TTLL11: variants seen among roughly 807,000 people sequenced by gnomAD.
TTLL11 encodes tubulin polyglutamylase TTLL11.
In TTLL11, 42 loss-of-function variants were observed where a neutral mutation model predicts 51.7. The observed-to-expected ratio is 0.81, with a 90% confidence interval of 0.64 to 1.05. The LOEUF (loss-of-function observed/expected upper bound fraction) is 1.05. Ranked by LOEUF, TTLL11 falls within the 50% of genes least tolerant of loss-of-function variation. The pLI is 0.00. For synonymous variants in TTLL11, 381 were observed against 383.5 expected, an observed-to-expected ratio of 0.99 and a Z score of 0.08; for missense variants, 799 against 940.4, an observed-to-expected ratio of 0.85 and a Z score of 1.97.
At chr9:122,092,103 A>T (rs927804113) in intron 1 of TTLL11, among the ~76,000 whole-genome samples, 1 of 152,116 alleles carries the variant, frequency 6.6e-6, no homozygotes, top group African/African-American at 2.4e-5. Flanking sequence ...GCTATAAAAC[A>T]CTAAGTAGTG....
At chr9:122,075,939 G>GA (rs1002865873) in intron 1 of TTLL11, among the ~76,000 whole-genome samples, 16 of 151,310 alleles carry the variant, frequency 1.1e-4, no homozygotes, top group South Asian at 6.3e-4. Flanking sequence ...TTAGAAGGTA[G>GA]AAAAAAAAAT....
chr9:121,909,443 C>G (rs1840039761), intron 6 of TTLL11, among the ~76,000 whole-genome samples: 1 of 152,128 alleles, frequency 6.6e-6, no homozygotes, highest in South Asian at 2.1e-4. Context: ...ACAACCACCC[C>G]CTACTCCCTA....
chr9:122,000,185 G>C (rs779862828), intron 3 of TTLL11, among the ~76,000 whole-genome samples: 1 of 152,084 alleles, frequency 6.6e-6, no homozygotes, highest in Non-Finnish European at 1.5e-5. Context: ...AAAGACCTTG[G>C]TGATGGCTGG....
intron 8 of TTLL11, among the ~76,000 whole-genome samples, chr9:121,826,182 A>C (rs1836747720): frequency 2.0e-5 from 1 of 49,818 alleles, no homozygotes; most frequent in African/African-American, 9.2e-5. Context: ...ATAACCAGTA[A>C]CCTATATATA....
At chr9:121,915,487 A>T (rs1840289729) in intron 6 of TTLL11, among the ~76,000 whole-genome samples, 1 of 152,194 alleles carries the variant, frequency 6.6e-6, no homozygotes, top group African/African-American at 2.4e-5. Flanking sequence ...TCTGACACCC[A>T]TCACATCGTA....
Position 121,904,474 on chromosome 9 carries a change from C to T in TTLL11, c.1482-33726G>A, listed in dbSNP as rs114659225. 1.9e-3 allele frequency among the ~76,000 whole-genome samples: 286 copies of T among 152,348 alleles called. 2 individuals carry two copies. The highest frequency in any genetic ancestry group is 6.6e-3 in the African/African-American group (273 of 41,582). On this transcript the variant is annotated intron_variant, in intron 6 of 8. Transcript: ENST00000321582. ...ACAGGCGTGAGCCACCACGCCCAGCCCAATACATTCCTACATGTTTAATGT... is the reference window on the plus strand; with the variant it reads ...ACAGGCGTGAGCCACCACGCCCAGCTCAATACATTCCTACATGTTTAATGT...
intron 6 of TTLL11, among the ~76,000 whole-genome samples, chr9:121,952,106 G>C (rs1841868565): frequency 6.6e-6 from 1 of 152,142 alleles, no homozygotes; most frequent in Non-Finnish European, 1.5e-5. Context: ...CTGTGACTTA[G>C]AATGCCTTAG....
chr9:121,971,650 T>C (rs1481404371), intron 6 of TTLL11, among the ~76,000 whole-genome samples: 2 of 142,150 alleles, frequency 1.4e-5, no homozygotes, highest in Admixed American at 7.1e-5. Context: ...GGGGAAAAGA[T>C]TGAGAAATCG....
chr9:121,829,797 ACACACACACACACACAC>A (rs1836940239), intron 8 of TTLL11, among the ~76,000 whole-genome samples: 1 of 151,582 alleles, frequency 6.6e-6, no homozygotes, highest in African/African-American at 2.4e-5. Flanking sequence ...ACACACACAC[ACACACACACACACACAC>A]CACACACACA....
At chr9:121,990,412 A>G (rs2131696418) in intron 3 of TTLL11, among the ~76,000 whole-genome samples, 1 of 152,360 alleles carries the variant, frequency 6.6e-6, no homozygotes, top group Non-Finnish European at 1.5e-5. Flanking sequence ...CTAAGGACCT[A>G]GAACCTGAGA....
intron 6 of TTLL11, among the ~76,000 whole-genome samples, chr9:121,895,892 CTG>C (rs765982050): frequency 4.7e-4 from 15 of 32,240 alleles, no homozygotes; most frequent in African/African-American, 6.6e-4. Flanking sequence ...GTCATTGTAT[CTG>C]TGTGTGTCCC....
rs35562644 is a variant in TTLL11 at position 121,928,441 on chromosome 9, A to ATTT, written c.1481+45565_1481+45567dup. Among the ~76,000 whole-genome samples the ATTT allele has an allele frequency of 7.4e-4, 97 of 131,836 alleles. 1 individual carries two copies. The highest frequency in any genetic ancestry group is 2.5e-3 in the African/African-American group (89 of 35,428). The allele number at this position is 131,836 out of a possible 152,430, so 86.5% of individuals were successfully genotyped here. On this transcript the variant is annotated intron_variant, in intron 6 of 8. Coordinates refer to ENST00000321582, the MANE Select transcript of TTLL11 (RefSeq NM_001139442.2). The stretch of plus-strand genomic sequence containing the variant: ...CTTTGAGTTATTTTGTTTGTTTTGG[A>ATTT]TTTTTTTTTTTTTTTTTTGAGATAG...
At chr9:121,901,795 A>G (rs1839786534) in intron 6 of TTLL11, among the ~76,000 whole-genome samples, 1 of 152,198 alleles carries the variant, frequency 6.6e-6, no homozygotes, top group African/African-American at 2.4e-5. Context: ...CTAGGCCACA[A>G]GGGATTGTCA....
intron 1 of TTLL11, 127 bp downstream of exon 1, chr9:122,092,560 G>A (rs1846290511): frequency 1.4e-6 from 2 of 1,448,342 alleles, no homozygotes; most frequent in African/African-American, 1.5e-5. Flanking sequence ...TGACAAGCAG[G>A]CCCGAGCGTG....
At chr9:121,852,136 G>C (rs1243627228) in intron 8 of TTLL11, among the ~76,000 whole-genome samples, 1 of 152,220 alleles carries the variant, frequency 6.6e-6, no homozygotes, top group African/African-American at 2.4e-5. Context: ...ATAGGGTCAC[G>C]GTAGAGCTCA....
chr9:122,060,290 GCTAA>G (rs1170177581), intron 1 of TTLL11, among the ~76,000 whole-genome samples: 1 of 152,214 alleles, frequency 6.6e-6, no homozygotes, highest in African/African-American at 2.4e-5. Flanking sequence ...AATGATGATA[GCTAA>G]CTATTTGTAT....
intron 8 of TTLL11, among the ~76,000 whole-genome samples, chr9:121,839,925 A>G (rs1837300379): frequency 6.6e-6 from 1 of 152,214 alleles, no homozygotes; most frequent in African/African-American, 2.4e-5. Flanking sequence ...CAGGAGGCAG[A>G]TCAGTGTCAA....
chr9:121,960,771 G>A (rs7850233), intron 6 of TTLL11, among the ~76,000 whole-genome samples: 11,792 of 152,132 alleles, frequency 0.078, 688 homozygotes, highest in African/African-American at 0.16. Context: ...AGTAAATAAA[G>A]GCATCCCCCA....
intron 6 of TTLL11, among the ~76,000 whole-genome samples, chr9:121,958,499 T>C (rs1290197996): frequency 6.6e-6 from 1 of 152,164 alleles, no homozygotes; most frequent in African/African-American, 2.4e-5. Flanking sequence ...GGCAGAGGAC[T>C]TCCAGTACCC....
Sources: gnomAD v4.1 joint callset for allele counts (sites outside exome capture counted in the v4.1 genomes callset) on GRCh38, gnomAD v4.1.1 for gene constraint, MANE v1.5 for transcripts, NCBI Gene and HGNC (gene_info 2026-07-23, HGNC 2026-07-21) for gene names.